Variants in DERA observed in about 807,000 individuals in gnomAD.
DERA encodes 2-deoxy-D-ribose 5-phosphate aldolase.
DERA carries 15 observed loss-of-function variants against 41.1 expected under a neutral mutation model. The ratio of observed to expected loss-of-function variants is 0.37; its 90% confidence interval spans 0.24 to 0.56. DERA has a LOEUF of 0.56. Among genes scored for constraint, DERA ranks in the 20% least tolerant of loss-of-function variants. The pLI is 0.81. For missense variants in DERA, 396 were observed against 403.4 expected (o/e 0.98, Z 0.16); for synonymous variants, 139 against 137.4 (o/e 1.01, Z -0.08).
rs374402855 is a variant in DERA, at chr12:16,027,762, T to G, written c.638-4780T>G. 1.4e-4 allele frequency among the ~76,000 whole-genome samples: 21 copies of G among 152,244 alleles called. No homozygotes were observed. The East Asian group carries it at 3.1e-3, about 22-fold the overall frequency. On this transcript the variant is annotated intron_variant, in intron 6 of 8. Transcript: ENST00000428559. ...TTGTGATCCCTTGTTACAACAACAATAAGAAACAGGTATGAGAAGAAAGAT... is the reference window on the plus strand; with the variant it reads ...TTGTGATCCCTTGTTACAACAACAAGAAGAAACAGGTATGAGAAGAAAGAT...
chr12:15,914,005 G>T (rs979068661), intron 1 of DERA, among the ~76,000 whole-genome samples: 2 of 152,180 alleles, frequency 1.3e-5, no homozygotes, highest in Non-Finnish European at 2.9e-5. Context: ...AAATGCAGGT[G>T]TCACGTGGGT....
In DERA at chr12:16,011,968, C is replaced by G. The variant is rs897418039; in HGVS notation, c.638-20574C>G. Among the ~76,000 whole-genome samples the G allele has an allele frequency of 3.3e-5, 5 of 151,840 alleles. No individual in the cohort carries two copies. The highest frequency in any genetic ancestry group is 1.2e-4 in the African/African-American group (5 of 41,238). ...AAAACAGAGGATAATGTGATAGAGA[C>G]AGATAAAGAATTTTTCTAAATTAGG... is the stretch of plus-strand genomic sequence containing the variant. On this transcript the variant is annotated intron_variant, in intron 6 of 8. Transcript: ENST00000428559. The surrounding 1 kb of genome is among the most constrained non-coding windows in gnomAD (Gnocchi z 4.7).
chr12:15,968,316 A>G (rs183994963), intron 5 of DERA, among the ~76,000 whole-genome samples: 12 of 152,306 alleles, frequency 7.9e-5, no homozygotes, highest in African/African-American at 2.9e-4. Context: ...AGTTAGTTGT[A>G]AACAGGAGAG....
rs1256804250 is a variant in DERA at position 15,943,779 on chromosome 12, G to T, written c.32-13157G>T. Among the ~76,000 whole-genome samples, 4 of 150,484 alleles carry T rather than the reference G, an allele frequency of 2.7e-5. No individual in the cohort carries two copies. The highest frequency in any genetic ancestry group is 9.8e-5 in the African/African-American group (4 of 40,864). ...GTTCTAGGATACATATGCACAATGT[G>T]CAGGTTTGTTACATGTGTATACATG... On this transcript the variant is annotated intron_variant, in intron 1 of 8. Transcript: ENST00000428559. This position sits in a 1 kb window ranked among gnomAD's most constrained non-coding sequence, Gnocchi z 4.5.
intron 5 of DERA, among the ~76,000 whole-genome samples, chr12:15,975,469 G>A (rs1327723937): frequency 6.6e-6 from 1 of 152,230 alleles, no homozygotes; most frequent in African/African-American, 2.4e-5. Context: ...GCAGCCCCTA[G>A]CTGCATGACT....
rs2136179215 is a variant in DERA at position 16,011,050 on chromosome 12, T to C, written c.638-21492T>C. 6.6e-6 allele frequency among the ~76,000 whole-genome samples: 1 copy of C among 152,342 alleles called. No individual in the cohort carries two copies. The highest frequency in any genetic ancestry group is 1.9e-4 in the East Asian group (1 of 5,186). ...CTAGCTTGCTTTGTTCAGTAAAATG[T>C]ATTTCTAAATCCATTTTAAGCAGCT... On this transcript the variant is annotated intron_variant, in intron 6 of 8. Transcript: ENST00000428559. This position sits in a 1 kb window ranked among gnomAD's most constrained non-coding sequence, Gnocchi z 4.7.
At position 15,936,239 on chromosome 12, in the gene DERA, C is replaced by T. The variant is rs937441756; in HGVS notation, c.32-20697C>T. Among the ~76,000 whole-genome samples the T allele has an allele frequency of 6.6e-6, 1 of 152,148 alleles. No individual in the cohort carries two copies. Reference sequence around the variant, plus strand: ...GTGGGTCATTTTTGAGGCTAGCTACCCGTTTCCCTTATTTGCTATGTTAAT... The same window carrying T: ...GTGGGTCATTTTTGAGGCTAGCTACTCGTTTCCCTTATTTGCTATGTTAAT... On this transcript the variant is annotated intron_variant, in intron 1 of 8. Coordinates refer to ENST00000428559, the MANE Select transcript of DERA (RefSeq NM_015954.4). The surrounding 1 kb of genome is among the most constrained non-coding windows in gnomAD (Gnocchi z 4.6).
In DERA at chr12:15,969,780, A is replaced by G. The variant is rs149521429; in HGVS notation, c.508+6833A>G. Reference sequence around the variant, plus strand: ...GAAGGATGGTAGAAAGAACATCTCAAAAATAAATTGGTATATTTCTTTTAT... The same window carrying G: ...GAAGGATGGTAGAAAGAACATCTCAGAAATAAATTGGTATATTTCTTTTAT... On this transcript the variant is annotated intron_variant, in intron 5 of 8. Coordinates refer to ENST00000428559, the MANE Select transcript of DERA (RefSeq NM_015954.4). 1.0e-3 allele frequency among the ~76,000 whole-genome samples: 152 copies of G among 152,342 alleles called. 1 individual carries two copies. In the East Asian group the frequency reaches 0.024, roughly 24 times the overall value.
At chr12:16,023,670 G>A (rs1440351939) in intron 6 of DERA, among the ~76,000 whole-genome samples, 3 of 151,332 alleles carry the variant, frequency 2.0e-5, no homozygotes, top group Non-Finnish European at 2.9e-5. Flanking sequence ...GTAGAGACGG[G>A]GTTTCACCGT....
chr12:15,963,091 T>C, intron 5 of DERA, 144 bp downstream of exon 5: 1 of 1,187,672 alleles, frequency 8.4e-7, no homozygotes, highest in African/African-American at 1.6e-5. Context: ...GAAAGCAGGC[T>C]AAGATTACCC....
intron 7 of DERA, among the ~76,000 whole-genome samples, chr12:16,034,097 T>TA: frequency 6.6e-6 from 1 of 152,248 alleles, no homozygotes; most frequent in Non-Finnish European, 1.5e-5. Context: ...TTTTCATACT[T>TA]ACAGATGCCT....
At chr12:16,032,691 G>T (rs188011797) in intron 7 of DERA, 37 bp downstream of exon 7, 1 of 1,297,314 alleles carries the variant, frequency 7.7e-7, no homozygotes, top group Non-Finnish European at 1.1e-6. Flanking sequence ...TCAGAGTAAA[G>T]ATAATGTTAT....
intron 1 of DERA, among the ~76,000 whole-genome samples, chr12:15,912,680 A>G (rs973290008): frequency 6.6e-6 from 1 of 152,206 alleles, no homozygotes; most frequent in South Asian, 2.1e-4. Flanking sequence ...TAGTATTAGT[A>G]TATGGAGTTA....
Position 15,922,867 on chromosome 12 carries a change from G to C in DERA, c.31+11453G>C, listed in dbSNP as rs1218634987. The stretch of plus-strand genomic sequence containing the variant: ...ACACGAGAATGTAGGTTCATCAGTT[G>C]TAAGGTTTATACCACTCTGGTGGGG... On this transcript the variant is annotated intron_variant, in intron 1 of 8. Coordinates refer to ENST00000428559, the MANE Select transcript of DERA (RefSeq NM_015954.4). This position sits in a 1 kb window ranked among gnomAD's most constrained non-coding sequence, Gnocchi z 4.9. Among the ~76,000 whole-genome samples the C allele has an allele frequency of 6.6e-6, 1 of 152,052 alleles. No homozygotes were observed. Among genetic ancestry groups the C allele is most frequent in the Admixed American group, 6.5e-5 (1 of 15,284 alleles).
rs576076147 is a variant in DERA, at chr12:15,986,650, A to C, written c.637+4214A>C. ...TTGAGTTATTTTAATGTTCTTTTCT[A>C]TATATATTACAAACCTCTTACTACA... On this transcript the variant is annotated intron_variant, in intron 6 of 8. Transcript: ENST00000428559. Among the ~76,000 whole-genome samples the C allele has an allele frequency of 1.3e-4, 20 of 152,290 alleles. No homozygotes were observed. In the East Asian group the frequency reaches 3.7e-3, roughly 28 times the overall value.
chr12:16,017,561 C>G lies in DERA; in HGVS notation c.638-14981C>G, dbSNP rs144308195. On this transcript the variant is annotated intron_variant, in intron 6 of 8. Transcript: ENST00000428559. This position sits in a 1 kb window ranked among gnomAD's most constrained non-coding sequence, Gnocchi z 5.5. ...ATACCTCCAGAGGGGCTTTCTGCTT[C>G]CATATGTACTCTGGCCAGTGCTTCA... Among the ~76,000 whole-genome samples the G allele has an allele frequency of 2.0e-5, 3 of 152,312 alleles. No individual in the cohort carries two copies. Among genetic ancestry groups the G allele is most frequent in the Admixed American group, 6.5e-5 (1 of 15,304 alleles).
rs138425211 is a variant in DERA, at chr12:15,974,516, C to T, written c.509-7792C>T. On this transcript the variant is annotated intron_variant, in intron 5 of 8. Coordinates refer to ENST00000428559, the MANE Select transcript of DERA (RefSeq NM_015954.4). ...CAGGTATACCACAGAACTTTTGCTC[C>T]GTTCTTCTCAATGCATTATTTCAGG... Among the ~76,000 whole-genome samples, 535 of 152,126 alleles carry T rather than the reference C, an allele frequency of 3.5e-3. 5 individuals carry two copies. The highest frequency in any genetic ancestry group is 0.012 in the African/African-American group (511 of 41,504).
chr12:15,926,732 G>C (rs1458074985), intron 1 of DERA, among the ~76,000 whole-genome samples: 6 of 113,758 alleles, frequency 5.3e-5, no homozygotes, highest in Non-Finnish European at 1.1e-4. Context: ...GCGAGACTCC[G>C]TCTCAAAAAG....
chr12:15,948,863 A>ACAGATGGGGTTTTGGTG (rs1948472752), intron 1 of DERA, among the ~76,000 whole-genome samples: 1 of 152,138 alleles, frequency 6.6e-6, no homozygotes, highest in Admixed American at 6.5e-5. Flanking sequence ...ATGGTGACGT[A>ACAGATGGGGTTTTGGTG]CAGATGGGGT....
Sources: allele counts gnomAD v4.1 joint callset (sites outside exome capture counted in the v4.1 genomes callset), GRCh38; gene constraint gnomAD v4.1.1; non-coding constraint Gnocchi (gnomAD v3.1); transcripts MANE v1.5; gene names NCBI Gene and HGNC (gene_info 2026-07-23, HGNC 2026-07-21).